ANK2: variants seen among roughly 807,000 people sequenced by gnomAD.
The protein encoded by ANK2 is ankyrin 2.
In ANK2, 83 loss-of-function variants were observed where a neutral mutation model predicts 360.5. The ratio of observed to expected loss-of-function variants is 0.23; its 90% CI spans 0.19 to 0.28. The LOEUF (loss-of-function observed/expected upper bound fraction) is 0.28. Ranked by LOEUF, ANK2 falls within the 10% of genes least tolerant of loss-of-function variation. ANK2 has a pLI of 1.00. For missense variants in ANK2, 4,201 were observed against 4,795.7 expected, an observed-to-expected ratio of 0.88 and a Z score of 3.66; for synonymous variants, 1,740 against 1,759.5, an observed-to-expected ratio of 0.99 and a Z score of 0.28.
At chr4:112,784,171 G>A in the ANK2 span, among the ~76,000 whole-genome samples, 1 of 151,712 alleles carries the variant, frequency 6.6e-6, no homozygotes, top group Non-Finnish European at 1.5e-5. Context: ...TATGTTAAAA[G>A]CATAAACTCC....
At chr4:112,834,088 CTTTAAAGAAATGT>C (rs2060467946) in intron 1 of ANK2, among the ~76,000 whole-genome samples, 2 of 152,130 alleles carry the variant, frequency 1.3e-5, no homozygotes, top group South Asian at 4.1e-4. Context: ...TTGCCTTATG[CTTTAAAGAAATGT>C]TTTATTATGA....
rs754720818 is a variant in ANK2 at position 113,357,524 on chromosome 4, A to G, written c.8906A>G (p.Glu2969Gly). The G allele has an allele frequency of 4.3e-6, 7 of 1,614,136 alleles. No individual in the cohort carries two copies. The South Asian group carries it at 6.6e-5, about 15-fold the overall frequency. Residue 2969 changes from glutamate to glycine, a missense_variant, in exon 38 of 46, where the codon GAA becomes GGA. Transcript: ENST00000357077. ...TCTGTTACCATCACATCCCCTGTTG[A>G]AGACGTTGTAGTGGCAAGCTCCTCT... Reference protein sequence around the residue: ...VYSVTITSPVEDVVVASSSSG... With the variant: ...VYSVTITSPVGDVVVASSSSG...
intron 1 of ANK2, among the ~76,000 whole-genome samples, chr4:112,826,110 A>T (rs1432066989): frequency 6.6e-6 from 1 of 152,206 alleles, no homozygotes; most frequent in East Asian, 1.9e-4. Context: ...AATGCTGAGC[A>T]CTTTCCATAT....
intron 15 of ANK2, among the ~76,000 whole-genome samples, chr4:113,276,685 G>A (rs1326460662): frequency 6.6e-6 from 1 of 152,220 alleles, no homozygotes; most frequent in African/African-American, 2.4e-5. Context: ...CAGAAGATTC[G>A]CTCTCTTCCA....
At chr4:112,821,879 A>T (rs2057155038) in intron 1 of ANK2, among the ~76,000 whole-genome samples, 1 of 150,606 alleles carries the variant, frequency 6.6e-6, no homozygotes, top group African/African-American at 2.5e-5. Flanking sequence ...CCATCCTCCT[A>T]TCTCAGCCCC....
the ANK2 span, among the ~76,000 whole-genome samples, chr4:112,716,724 C>T: frequency 6.6e-6 from 1 of 152,104 alleles, no homozygotes; most frequent in African/African-American, 2.4e-5. Flanking sequence ...CAGCACTGCA[C>T]CTGGCCTCTA....
chr4:113,032,208 T>G (rs912366291), intron 2 of ANK2, among the ~76,000 whole-genome samples: 2 of 152,080 alleles, frequency 1.3e-5, no homozygotes, highest in African/African-American at 4.8e-5. Context: ...GCTTGTTTGT[T>G]TTTTGAGAGA....
At chr4:113,239,720 A>G (rs1257932864) in intron 7 of ANK2, among the ~76,000 whole-genome samples, 1 of 152,196 alleles carries the variant, frequency 6.6e-6, no homozygotes, top group Non-Finnish European at 1.5e-5. Flanking sequence ...ACATTTTGAG[A>G]GTAAACAGTT....
intron 10 of ANK2, among the ~76,000 whole-genome samples, chr4:113,255,043 G>C (rs1011251544): frequency 2.6e-5 from 4 of 152,114 alleles, no homozygotes; most frequent in African/African-American, 9.7e-5. Context: ...TTGTGTTCCT[G>C]CTGTTGACCT....
At chr4:113,247,815 T>G (rs72898091) in intron 9 of ANK2, among the ~76,000 whole-genome samples, 4,043 of 152,298 alleles carry the variant, frequency 0.027, 183 homozygotes, top group African/African-American at 0.092. Flanking sequence ...GTGGGATTTC[T>G]CAAACCCTAG....
chr4:112,891,296 T>C lies in ANK2; in HGVS notation c.-39-13159T>C, dbSNP rs78424312. On this transcript the variant is annotated intron_variant, in intron 1 of 30. Transcript: ENST00000503271. ...CAGTGAATGCATGATAGAATTTGTT[T>C]ATCTGCTTACAATAAAATCTACAAA... Among the ~76,000 whole-genome samples, 1,495 of 152,348 alleles carry C rather than the reference T, an allele frequency of 9.8e-3. 15 individuals are homozygous for C. Among genetic ancestry groups the C allele is most frequent in the African/African-American group, 0.025 (1,038 of 41,564 alleles).
chr4:113,163,778 AAAAAAAAAAAAAAAG>A lies in ANK2; in HGVS notation c.85-10633_85-10619del, dbSNP rs869187320. Among the ~76,000 whole-genome samples the A allele has an allele frequency of 3.8e-3, 412 of 107,070 alleles. 4 individuals are homozygous for A. The highest frequency in any genetic ancestry group is 8.7e-3 in the African/African-American group (267 of 30,698). 70.2% of individuals were successfully genotyped at this position (107,070 alleles called of 152,430 possible). ...AAACTTCGTCTCAAAAAAAAAAAAA[AAAAAAAAAAAAAAAG>A]AAAACCCAGCTTTATGGAGATATAT... is the stretch of plus-strand genomic sequence containing the variant. On this transcript the variant is annotated intron_variant, in intron 1 of 45. Transcript: ENST00000357077.
chr4:112,713,943 AAC>A, the ANK2 span, among the ~76,000 whole-genome samples: 5,715 of 149,152 alleles, frequency 0.038, 146 homozygotes, highest in Non-Finnish European at 0.062. Context: ...CAAAAAAAAA[AAC>A]AAAAAAAAAA....
At chr4:113,328,741 A>G (rs11940206) in intron 26 of ANK2, among the ~76,000 whole-genome samples, 34,054 of 152,042 alleles carry the variant, frequency 0.22, 5,843 homozygotes, top group African/African-American at 0.49. Context: ...CCTGCATGAC[A>G]TGCTTCAGAC....
At chr4:113,097,876 G>GTATATATATACATATATATA (rs1562040937) in intron 1 of ANK2, among the ~76,000 whole-genome samples, 1 of 105,926 alleles carries the variant, frequency 9.4e-6, no homozygotes, top group African/African-American at 3.0e-5. Context: ...GTATATATAT[G>GTATATATATACATATATATA]CACACACACA....
chr4:112,805,734 A>G, the ANK2 span, among the ~76,000 whole-genome samples: 84,663 of 151,384 alleles, frequency 0.56, 24,424 homozygotes, highest in East Asian at 0.88. Context: ...GGCGCATGCC[A>G]CCACGCCTGG....
intron 2 of ANK2, among the ~76,000 whole-genome samples, chr4:112,962,074 A>G (rs997776123): frequency 6.6e-6 from 1 of 151,954 alleles, no homozygotes; most frequent in Non-Finnish European, 1.5e-5. Flanking sequence ...GTTTCTATTA[A>G]TTTTTGTCTT....
At chr4:112,864,606 G>T (rs561419656) in intron 1 of ANK2, among the ~76,000 whole-genome samples, 56 of 151,744 alleles carry the variant, frequency 3.7e-4, no homozygotes, top group African/African-American at 1.4e-3. Context: ...CCCGGCGCCC[G>T]GCCGGTAAGG....
chr4:113,325,407 G>A (rs1056765244), intron 26 of ANK2, among the ~76,000 whole-genome samples: 4 of 152,112 alleles, frequency 2.6e-5, no homozygotes, highest in Non-Finnish European at 4.4e-5. Flanking sequence ...GCAACTTAGA[G>A]TCTATTTAGT....
Sources: allele counts gnomAD v4.1 joint callset (sites outside exome capture counted in the v4.1 genomes callset), GRCh38; gene constraint gnomAD v4.1.1; transcripts MANE v1.5; gene names NCBI Gene and HGNC (gene_info 2026-07-23, HGNC 2026-07-21).